Variants in SLC16A12 observed in about 807,000 individuals in gnomAD.
The protein encoded by SLC16A12 is monocarboxylate transporter 12.
Under a neutral mutation model 42.4 loss-of-function variants are expected in SLC16A12, and 17 were observed. The ratio of observed to expected loss-of-function variants is 0.40; its 90% CI spans 0.27 to 0.60. The LOEUF (loss-of-function observed/expected upper bound fraction) is 0.60. SLC16A12 is among the 20% of genes least tolerant of loss of function. The probability of loss-of-function intolerance (pLI) is 0.42; values close to 1 mark genes in which losing one functional copy is unlikely to be tolerated. For missense variants in SLC16A12, 544 were observed against 623.0 expected, an observed-to-expected ratio of 0.87 and a Z score of 1.35; for synonymous variants, 224 against 229.4, an observed-to-expected ratio of 0.98 and a Z score of 0.21.
At chr10:89,475,082 T>C (rs1842556826) in intron 2 of SLC16A12, among the ~76,000 whole-genome samples, 1 of 152,222 alleles carries the variant, frequency 6.6e-6, no homozygotes, top group Admixed American at 6.5e-5. Context: ...CAGAAAACGA[T>C]AGATTGGCTC....
intron 2 of SLC16A12, chr10:89,462,975 T>C (rs1842328049): frequency 5.4e-6 from 1 of 185,892 alleles, no homozygotes; most frequent in Non-Finnish European, 1.1e-5. Context: ...AAAGGTACTT[T>C]TTGAGGACTT....
chr10:89,542,605 G>A (rs1843721686), intron 2 of SLC16A12, among the ~76,000 whole-genome samples: 1 of 152,062 alleles, frequency 6.6e-6, no homozygotes, highest in Non-Finnish European at 1.5e-5. Context: ...TGTCTGGCCT[G>A]TTATATTTTC....
intron 2 of SLC16A12, among the ~76,000 whole-genome samples, chr10:89,470,006 A>T (rs1842467908): frequency 6.6e-6 from 1 of 152,166 alleles, no homozygotes; most frequent in Non-Finnish European, 1.5e-5. Context: ...TTCCTATACT[A>T]TAGGTAATAT....
chr10:89,508,375 G>A (rs1024001198), intron 2 of SLC16A12, among the ~76,000 whole-genome samples: 6 of 152,144 alleles, frequency 3.9e-5, no homozygotes, highest in African/African-American at 1.4e-4. Flanking sequence ...ACAATAAACT[G>A]TTTCTCAGAC....
chr10:89,491,189 T>A lies in SLC16A12; in HGVS notation c.-46-28565A>T, dbSNP rs1351657642. ...TTACAGAGCTTTCTGGGGAAAGAGCTGCCTGGAGCCATTATAATCCTGCCC... is the reference window on the plus strand; with the variant it reads ...TTACAGAGCTTTCTGGGGAAAGAGCAGCCTGGAGCCATTATAATCCTGCCC... On this transcript the variant is annotated intron_variant, in intron 2 of 7. Transcript: ENST00000371790. Among the ~76,000 whole-genome samples, 4 of 152,148 alleles carry A rather than the reference T, an allele frequency of 2.6e-5. No homozygotes were observed. In the South Asian group the frequency reaches 6.2e-4, roughly 24 times the overall value.
intron 2 of SLC16A12, among the ~76,000 whole-genome samples, chr10:89,487,065 A>G (rs905130899): frequency 2.6e-5 from 4 of 152,238 alleles, no homozygotes; most frequent in African/African-American, 9.6e-5. Context: ...GATCCCCAGC[A>G]ATCCCTTCTA....
intron 2 of SLC16A12, among the ~76,000 whole-genome samples, chr10:89,497,434 T>C (rs993293854): frequency 6.6e-6 from 1 of 152,228 alleles, no homozygotes. Context: ...TGTGATTATA[T>C]ATTTTTTGGA....
At chr10:89,507,517 C>G (rs919232997) in intron 2 of SLC16A12, among the ~76,000 whole-genome samples, 4 of 152,166 alleles carry the variant, frequency 2.6e-5, no homozygotes, top group Non-Finnish European at 4.4e-5. Flanking sequence ...TACAGACAAG[C>G]AAAGGCTGAG....
chr10:89,509,665 C>T (rs1843131351), intron 2 of SLC16A12, among the ~76,000 whole-genome samples: 1 of 152,178 alleles, frequency 6.6e-6, no homozygotes. Context: ...GAAGCATTCC[C>T]TTTTAAAACT....
chr10:89,537,213 T>A (rs11185746), upstream of SLC16A12, among the ~76,000 whole-genome samples: 16,322 of 149,964 alleles, frequency 0.11, 1,554 homozygotes, highest in African/African-American at 0.25. Flanking sequence ...GATTTCACTA[T>A]GTCGCTAAGG....
chr10:89,457,094 T>C (rs1249680510), intron 3 of SLC16A12, among the ~76,000 whole-genome samples: 1 of 151,838 alleles, frequency 6.6e-6, no homozygotes, highest in Non-Finnish European at 1.5e-5. Context: ...GATTGCTGGG[T>C]CAAATGGTAT....
intron 2 of SLC16A12, among the ~76,000 whole-genome samples, chr10:89,554,107 G>A (rs796645400): frequency 1.4e-4 from 18 of 125,978 alleles, no homozygotes; most frequent in African/African-American, 3.1e-4. Context: ...AAAGAAGGAA[G>A]GAAGGAAGGA....
At chr10:89,509,962 A>G (rs528330417) in intron 2 of SLC16A12, among the ~76,000 whole-genome samples, 1 of 152,356 alleles carries the variant, frequency 6.6e-6, no homozygotes, top group Non-Finnish European at 1.5e-5. Flanking sequence ...CAGAGAGCCA[A>G]TTCGTGAGTG....
chr10:89,539,881 C>CTTTCTTTCTTTCTTTCTTTCTTTCTTTA (rs1554834005), upstream of SLC16A12, among the ~76,000 whole-genome samples: 139 of 144,096 alleles, frequency 9.6e-4, 1 homozygote, highest in Admixed American at 2.2e-3. Context: ...TTCTTTCTTT[C>CTTTCTTTCTTTCTTTCTTTCTTTCTTTA]TTTCTTTCTT....
intron 2 of SLC16A12, among the ~76,000 whole-genome samples, chr10:89,521,281 C>T (rs1843350483): frequency 6.6e-6 from 1 of 152,206 alleles, no homozygotes; most frequent in Admixed American, 6.5e-5. Context: ...GATTTCTGTT[C>T]CTTACACCCC....
At chr10:89,485,741 A>G (rs1433406690) in intron 2 of SLC16A12, among the ~76,000 whole-genome samples, 1 of 152,240 alleles carries the variant, frequency 6.6e-6, no homozygotes, top group African/African-American at 2.4e-5. Context: ...AAGAAGCCCC[A>G]ATAAGCATAG....
At chr10:89,544,726 G>GA (rs1303118510) in intron 2 of SLC16A12, among the ~76,000 whole-genome samples, 2 of 152,096 alleles carry the variant, frequency 1.3e-5, no homozygotes, top group Non-Finnish European at 2.9e-5. Flanking sequence ...TTCCAATTGA[G>GA]AAAAAATGGC....
chr10:89,435,987 C>A, intron 7 of SLC16A12, 73 bp downstream of exon 7: 1 of 1,593,952 alleles, frequency 6.3e-7, no homozygotes, highest in Non-Finnish European at 8.6e-7. Flanking sequence ...TCATTGACTG[C>A]ATGTGGGTTT....
In SLC16A12 at chr10:89,468,455, T is replaced by A. The variant is rs1022592980; in HGVS notation, c.-46-5831A>T. 3.3e-5 allele frequency among the ~76,000 whole-genome samples: 5 copies of A among 152,340 alleles called. No homozygotes were observed. The East Asian group carries it at 7.7e-4, about 23-fold the overall frequency. The stretch of plus-strand genomic sequence containing the variant: ...GGAGGCAAGTAGCTTTGGCTGACTT[T>A]GGATGATGCACTTGTCCATCTGCTC... On this transcript the variant is annotated intron_variant, in intron 2 of 7. Transcript: ENST00000371790.
Sources: gnomAD v4.1 joint callset for allele counts (sites outside exome capture counted in the v4.1 genomes callset) on GRCh38, gnomAD v4.1.1 for gene constraint, MANE v1.5 for transcripts, NCBI Gene and HGNC (gene_info 2026-07-23, HGNC 2026-07-21) for gene names.